AFF2: variants seen among roughly 807,000 people sequenced by gnomAD.
The protein encoded by AFF2 is ALF transcription elongation factor 2.
AFF2 carries 14 observed loss-of-function variants against 76.9 expected under a neutral mutation model. That is an observed-to-expected ratio of 0.18 (90% CI 0.12 to 0.28). The LOEUF (loss-of-function observed/expected upper bound fraction) is 0.28, where lower values mean the gene tolerates loss of function less well. Among genes scored for constraint, AFF2 ranks in the 10% least tolerant of loss-of-function variants. AFF2 has a pLI of 1.00. For synonymous variants in AFF2, 398 were observed against 366.7 expected, an observed-to-expected ratio of 1.09 and a Z score of -0.98; for missense variants, 868 against 1,001.1, an observed-to-expected ratio of 0.87 and a Z score of 1.79.
Position 148,889,956 on chromosome X carries a change from GATA to G in AFF2, c.1359+3977_1359+3979del, listed in dbSNP as rs782170245. Among the ~76,000 whole-genome samples the G allele has an allele frequency of 2.7e-5, 3 of 112,032 alleles. No homozygotes were observed. In the East Asian group the frequency reaches 8.5e-4, roughly 32 times the overall value. On this transcript the variant is annotated intron_variant, in intron 8 of 20. Coordinates refer to ENST00000370460, the MANE Select transcript of AFF2 (RefSeq NM_002025.4). Reference sequence around the variant, plus strand: ...ATAGTAAGTACTCACCACTTTACGTGATAATAATCATCATTGTTATGGGTGCTA... The same window carrying G: ...ATAGTAAGTACTCACCACTTTACGTGATAATCATCATTGTTATGGGTGCTA...
intron 3 of AFF2, among the ~76,000 whole-genome samples, chrX:148,677,141 G>T (rs994652008): frequency 9.0e-6 from 1 of 110,607 alleles, no homozygotes; most frequent in Admixed American, 9.7e-5. Context: ...AATTAGATGG[G>T]CCATTGAAAG....
chrX:148,725,023 G>T (rs1053357351), intron 3 of AFF2, among the ~76,000 whole-genome samples: 1 of 111,090 alleles, frequency 9.0e-6, no homozygotes. Flanking sequence ...AGCATATAGG[G>T]TCAGCTGGTA....
intron 4 of AFF2, among the ~76,000 whole-genome samples, chrX:148,832,077 C>G (rs2070460973): frequency 8.9e-6 from 1 of 112,049 alleles, no homozygotes; most frequent in Non-Finnish European, 1.9e-5. Flanking sequence ...CATCCTTAGT[C>G]TGTGGTGATT....
intron 9 of AFF2, among the ~76,000 whole-genome samples, chrX:148,924,493 ATG>A (rs2071629049): frequency 8.9e-6 from 1 of 112,334 alleles, no homozygotes; most frequent in South Asian, 3.7e-4. Flanking sequence ...ATTATGAAAA[ATG>A]GAGATAACTT....
chrX:148,769,282 T>C (rs2069556485), intron 3 of AFF2, among the ~76,000 whole-genome samples: 1 of 111,755 alleles, frequency 8.9e-6, no homozygotes, highest in South Asian at 3.8e-4. Flanking sequence ...TCTGAAGAGG[T>C]TCCATTGAAT....
chrX:148,628,730 A>G (rs1198152731), intron 1 of AFF2, among the ~76,000 whole-genome samples: 1 of 112,305 alleles, frequency 8.9e-6, no homozygotes, highest in Non-Finnish European at 1.9e-5. Flanking sequence ...AATTGCTGTA[A>G]AGACATAGTG....
intron 7 of AFF2, among the ~76,000 whole-genome samples, chrX:148,872,125 C>T (rs1441190144): frequency 9.0e-6 from 1 of 110,697 alleles, no homozygotes; most frequent in Non-Finnish European, 1.9e-5. Context: ...AAAGACGGCT[C>T]TATTTAGATG....
At chrX:148,656,475 C>T (rs1421747791) in intron 2 of AFF2, among the ~76,000 whole-genome samples, 1 of 108,300 alleles carries the variant, frequency 9.2e-6, no homozygotes, top group Non-Finnish European at 1.9e-5. Context: ...TGCAACTTTC[C>T]CATGTTTTCC....
intron 7 of AFF2, among the ~76,000 whole-genome samples, chrX:148,880,925 G>A (rs1557278401): frequency 9.0e-6 from 1 of 111,731 alleles, no homozygotes; most frequent in East Asian, 2.8e-4. Context: ...CAATAGAAAG[G>A]TATTGTTAGC....
Position 148,955,824 on chromosome X carries a change from G to A in AFF2, c.1779G>A (p.Arg593=). The change falls in exon 11 of 21, where the codon AGG becomes AGA. Residue 593 remains arginine, a synonymous_variant. Transcript: ENST00000370460. ...AAAGGCCTCTCCTCAGTCTCATTAG[G>A]GAGAAAGCCCGTCCACGGCCCACTC... ...PKERPLLSLI[R]EKARPRPTQK... 2.5e-6 allele frequency: 3 copies of A among 1,211,537 alleles called. No homozygotes were observed. The highest frequency in any genetic ancestry group is 3.4e-6 in the Non-Finnish European group (3 of 895,449).
chrX:148,707,787 G>C (rs1343744070), intron 3 of AFF2, among the ~76,000 whole-genome samples: 1 of 111,500 alleles, frequency 9.0e-6, no homozygotes, highest in Non-Finnish European at 1.9e-5. Context: ...AATTGGGCTT[G>C]TTGTCTGTGG....
chrX:148,920,348 G>A (rs1025309835), intron 9 of AFF2, among the ~76,000 whole-genome samples: 1 of 111,254 alleles, frequency 9.0e-6, no homozygotes, highest in Admixed American at 9.6e-5. Flanking sequence ...TTCCTTTGTG[G>A]GCCAAGATTT....
intron 3 of AFF2, among the ~76,000 whole-genome samples, chrX:148,687,164 C>T (rs2054608838): frequency 8.9e-6 from 1 of 111,736 alleles, no homozygotes; most frequent in East Asian, 2.8e-4. Context: ...TTCATTGGAA[C>T]AAGAAGATAA....
Position 148,864,305 on chromosome X carries a change from G to C in AFF2, c.1262+20872G>C, listed in dbSNP as rs781998210. On this transcript the variant is annotated intron_variant, in intron 7 of 20. Coordinates refer to ENST00000370460, the MANE Select transcript of AFF2 (RefSeq NM_002025.4). The stretch of plus-strand genomic sequence containing the variant: ...TTGAGATTAGCTGAAAGGTGGAAAG[G>C]CTTCTCTGCCTCTGTAACTTCTGTT... Among the ~76,000 whole-genome samples, 25 of 112,212 alleles carry C rather than the reference G, an allele frequency of 2.2e-4. 1 individual carries two copies. The Admixed American group carries it at 2.3e-3, about 10-fold the overall frequency.
intron 9 of AFF2, among the ~76,000 whole-genome samples, chrX:148,927,995 G>A (rs1557283982): frequency 1.8e-5 from 2 of 111,586 alleles, no homozygotes; most frequent in Non-Finnish European, 1.9e-5. Context: ...CCTCAATGAA[G>A]CCTTTGGCTC....
At position 148,948,999 on chromosome X, in the gene AFF2, A is replaced by T. The variant is rs2071933524; in HGVS notation, c.1398-4581A>T. On this transcript the variant is annotated intron_variant, in intron 9 of 20. Coordinates refer to ENST00000370460, the MANE Select transcript of AFF2 (RefSeq NM_002025.4). ...GTTGAGGTAAAATCTTCCTGACTAGATCTCCAACTCATTGGTTTTGTATTT... is the reference window on the plus strand; with the variant it reads ...GTTGAGGTAAAATCTTCCTGACTAGTTCTCCAACTCATTGGTTTTGTATTT... 2.7e-5 allele frequency among the ~76,000 whole-genome samples: 3 copies of T among 110,939 alleles called. No homozygotes were observed. The South Asian group carries it at 1.2e-3, about 43-fold the overall frequency.
intron 4 of AFF2, 61 bp downstream of exon 4, chrX:148,809,981 G>C (rs2070183839): frequency 9.4e-7 from 1 of 1,058,685 alleles, no homozygotes; most frequent in Non-Finnish European, 1.3e-6. Flanking sequence ...TGCTTAAGCT[G>C]TTTAAAGTAA....
At position 148,967,059 on chromosome X, in the gene AFF2, C is replaced by T; in HGVS notation, c.3183C>T (p.Pro1061=). ...LSSSSTNVRR[P]KLTFDDSVHN... ...GCAGCAGCACTAATGTCCGGAGACC[C>T]AAGCTCACTTTTGATGACTCGTATG... The change falls in exon 14 of 21, where the codon CCC becomes CCT. Residue 1061 remains proline (P), a synonymous_variant. Transcript: ENST00000370460. 2 of 1,210,765 alleles carry T rather than the reference C, an allele frequency of 1.7e-6. No individual in the cohort carries two copies. The highest frequency in any genetic ancestry group is 3.5e-5 in the African/African-American group (2 of 57,636).
intron 1 of AFF2, among the ~76,000 whole-genome samples, chrX:148,536,128 T>G (rs2052783051): frequency 9.1e-6 from 1 of 109,355 alleles, no homozygotes; most frequent in Non-Finnish European, 1.9e-5. Context: ...GAGAATCGCT[T>G]GAACCCAGGA....
Sources: gnomAD v4.1 joint callset for allele counts (sites outside exome capture counted in the v4.1 genomes callset) on GRCh38, gnomAD v4.1.1 for gene constraint, MANE v1.5 for transcripts, NCBI Gene and HGNC (gene_info 2026-07-23, HGNC 2026-07-21) for gene names.